The following PPP2R2B variants were observed in gnomAD, a reference collection of about 807,000 sequenced individuals.
PPP2R2B encodes protein phosphatase 2 regulatory subunit Bbeta, also known as serine/threonine-protein phosphatase 2A 55 kDa regulatory subunit B beta isoform.
Under a neutral mutation model 46.0 loss-of-function variants are expected in PPP2R2B, and 5 were observed. The ratio of observed to expected loss-of-function variants is 0.11; its 90% CI spans 0.06 to 0.23. The LOEUF is 0.23. PPP2R2B is among the 10% of genes least tolerant of loss of function. The probability of loss-of-function intolerance (pLI) is 1.00; values close to 1 mark genes in which losing one functional copy is unlikely to be tolerated. For missense variants in PPP2R2B, 367 were observed against 575.0 expected, an observed-to-expected ratio of 0.64 and a Z score of 3.70; for synonymous variants, 215 against 206.7, an observed-to-expected ratio of 1.04 and a Z score of -0.34.
chr5:146,993,940 C>A lies in PPP2R2B; in HGVS notation c.79+61725G>T, dbSNP rs76171573. 4.6e-5 allele frequency among the ~76,000 whole-genome samples: 7 copies of A among 152,234 alleles called. No individual in the cohort carries two copies. The East Asian group carries it at 1.4e-3, about 29-fold the overall frequency. On this transcript the variant is annotated intron_variant, in intron 1 of 8. Transcript: ENST00000336640. Reference sequence around the variant, plus strand: ...TTAAGCCAGGAGTCATAAACAGGCCCCAGAGCTGTGTGTGACCTGCAGAAA... The same window carrying A: ...TTAAGCCAGGAGTCATAAACAGGCCACAGAGCTGTGTGTGACCTGCAGAAA...
intron 7 of PPP2R2B, among the ~76,000 whole-genome samples, chr5:146,621,776 G>A (rs1773718634): frequency 6.6e-6 from 1 of 152,222 alleles, no homozygotes; most frequent in Admixed American, 6.5e-5. Flanking sequence ...CTGATGCAGA[G>A]AGAAGAAACA....
intron 2 of PPP2R2B, among the ~76,000 whole-genome samples, chr5:146,789,234 G>T (rs996827340): frequency 6.6e-6 from 1 of 152,088 alleles, no homozygotes; most frequent in African/African-American, 2.4e-5. Flanking sequence ...AAAGGCAAGA[G>T]AAAATAGCCA....
At position 146,589,804 on chromosome 5, in the gene PPP2R2B, T is replaced by C; in HGVS notation, c.*143A>G. ...TCTTAGAACTGGGGAGCTGGGAATG[T>C]TGGACTCCTTTTAATTCTATTCCAA... On this transcript the variant is annotated 3_prime_UTR_variant, in exon 10 of 10. Transcript: ENST00000394411. The C allele has an allele frequency of 1.1e-6, 1 of 894,154 alleles. No individual in the cohort carries two copies. Among genetic ancestry groups the C allele is most frequent in the East Asian group, 2.5e-5 (1 of 40,276 alleles). The allele number at this position is 894,154 out of a possible 1,614,324, so 55.4% of individuals were successfully genotyped here.
chr5:146,729,162 G>T (rs1215828230), intron 2 of PPP2R2B, among the ~76,000 whole-genome samples: 7 of 152,194 alleles, frequency 4.6e-5, no homozygotes, highest in Non-Finnish European at 7.3e-5. Flanking sequence ...TGGAAATGAG[G>T]AACTTGTTGG....
At chr5:146,735,592 A>G (rs192405943) in intron 2 of PPP2R2B, among the ~76,000 whole-genome samples, 395 of 152,290 alleles carry the variant, frequency 2.6e-3, no homozygotes, top group African/African-American at 9.0e-3. Context: ...AAAGAGTCTC[A>G]CACTCAGGTA....
upstream of PPP2R2B, among the ~76,000 whole-genome samples, chr5:147,059,337 C>T (rs936786599): frequency 7.9e-5 from 12 of 152,156 alleles, no homozygotes; most frequent in African/African-American, 2.7e-4. Flanking sequence ...TGAAAAGAAA[C>T]ACCTCCTGTT....
chr5:146,986,813 C>G (rs1010752392), intron 1 of PPP2R2B, among the ~76,000 whole-genome samples: 34 of 151,860 alleles, frequency 2.2e-4, no homozygotes, highest in African/African-American at 7.7e-4. Context: ...CCCTTAAAGT[C>G]GGAGTAGAAA....
At chr5:146,905,257 A>G (rs1418624053) in intron 1 of PPP2R2B, among the ~76,000 whole-genome samples, 1 of 152,294 alleles carries the variant, frequency 6.6e-6, no homozygotes, top group Middle Eastern at 3.4e-3. Context: ...AACACACACC[A>G]TTCAATCCAC....
In PPP2R2B at chr5:146,582,005, C is replaced by G. The variant is rs971538328; in HGVS notation, c.*7942G>C. On this transcript the variant is annotated 3_prime_UTR_variant, in exon 10 of 10. Coordinates refer to ENST00000394411, the MANE Select transcript of PPP2R2B (RefSeq NM_181675.4). ...TCACTCAGCACACAGCCCCACTGACCCTATTGTTCATCCCCCTCCAATTTA... is the reference window on the plus strand; with the variant it reads ...TCACTCAGCACACAGCCCCACTGACGCTATTGTTCATCCCCCTCCAATTTA... The G allele has an allele frequency of 6.6e-6, 1 of 152,238 alleles. No individual in the cohort carries two copies. Among genetic ancestry groups the G allele is most frequent in the African/African-American group, 2.4e-5 (1 of 41,424 alleles). The allele number at this position is 152,238 out of a possible 1,614,324, so 9.4% of individuals were successfully genotyped here.
At position 146,711,978 on chromosome 5, in the gene PPP2R2B, G is replaced by T. The variant is rs141291124; in HGVS notation, c.71-10836C>A. Among the ~76,000 whole-genome samples the T allele has an allele frequency of 5.0e-3, 757 of 152,166 alleles. 22 individuals are homozygous for T. Among genetic ancestry groups the T allele is most frequent in the Admixed American group, 0.046 (701 of 15,290 alleles). On this transcript the variant is annotated intron_variant, in intron 2 of 9. Transcript: ENST00000394411. ...AATAAATCTCTTTTATTTCTCTAAA[G>T]GACAAATTGAACACTAAATACAATG...
chr5:146,798,862 T>C (rs771470620), intron 2 of PPP2R2B, among the ~76,000 whole-genome samples: 1 of 152,188 alleles, frequency 6.6e-6, no homozygotes, highest in African/African-American at 2.4e-5. Flanking sequence ...TCCATGTCTG[T>C]CTGACCTCAG....
At chr5:146,979,135 T>C (rs1179616461) in intron 1 of PPP2R2B, among the ~76,000 whole-genome samples, 2 of 152,200 alleles carry the variant, frequency 1.3e-5, no homozygotes, top group Admixed American at 1.3e-4. Flanking sequence ...ACATATACGC[T>C]TCTACCTGAG....
intron 5 of PPP2R2B, among the ~76,000 whole-genome samples, chr5:146,659,134 A>T (rs535048983): frequency 2.0e-5 from 3 of 152,338 alleles, no homozygotes; most frequent in South Asian, 2.1e-4. Context: ...CTTAAAAAAA[A>T]TTTGTTCACA....
At chr5:147,013,055 C>G (rs867265720) in intron 1 of PPP2R2B, among the ~76,000 whole-genome samples, 2 of 150,538 alleles carry the variant, frequency 1.3e-5, no homozygotes, top group African/African-American at 2.4e-5. Context: ...ACAAAATCAA[C>G]GTACAAAAAT....
upstream of PPP2R2B, among the ~76,000 whole-genome samples, chr5:146,883,309 G>A (rs1762227581): frequency 6.6e-6 from 1 of 152,204 alleles, no homozygotes; most frequent in Non-Finnish European, 1.5e-5. Flanking sequence ...CTCAGAGCCA[G>A]CCTTCACTAA....
chr5:146,995,256 T>C (rs1753875184), intron 1 of PPP2R2B, among the ~76,000 whole-genome samples: 1 of 152,238 alleles, frequency 6.6e-6, no homozygotes, highest in Admixed American at 6.5e-5. Flanking sequence ...TAAGATTAAA[T>C]AGGAGCAGTG....
At chr5:146,597,966 T>G (rs1363401515) in intron 8 of PPP2R2B, among the ~76,000 whole-genome samples, 4 of 152,228 alleles carry the variant, frequency 2.6e-5, no homozygotes. Context: ...CTCTCTCTAA[T>G]GGTCTCTCTC....
intron 6 of PPP2R2B, among the ~76,000 whole-genome samples, chr5:146,644,312 CTTTGG>C (rs1307997936): frequency 1.0e-3 from 17 of 16,306 alleles, no homozygotes; most frequent in Non-Finnish European, 4.2e-3. Context: ...TTGTTTTTGG[CTTTGG>C]CTTTTAAAAT....
At chr5:146,840,821 G>T (rs960945630) in intron 2 of PPP2R2B, among the ~76,000 whole-genome samples, 1 of 152,172 alleles carries the variant, frequency 6.6e-6, no homozygotes, top group African/African-American at 2.4e-5. Flanking sequence ...TCTATTCATT[G>T]TCTGTAATGT....
Sources: gnomAD v4.1 joint callset for allele counts (sites outside exome capture counted in the v4.1 genomes callset) on GRCh38, gnomAD v4.1.1 for gene constraint, MANE v1.5 for transcripts, NCBI Gene and HGNC (gene_info 2026-07-23, HGNC 2026-07-21) for gene names.